IFT43: variants seen among roughly 807,000 people sequenced by gnomAD.
IFT43 encodes intraflagellar transport protein 43 homolog.
IFT43 carries 33 observed loss-of-function variants against 32.3 expected under a neutral mutation model. The observed-to-expected ratio is 1.02, with a 90% confidence interval of 0.77 to 1.37. The LOEUF is 1.37. IFT43 is among the 40% of genes most tolerant of loss of function. The pLI is 0.00. For missense variants in IFT43, 274 were observed against 265.9 expected (o/e 1.03, Z -0.21); for synonymous variants, 93 against 98.2 (o/e 0.95, Z 0.31).
intron 2 of IFT43, among the ~76,000 whole-genome samples, chr14:75,999,227 TTATATATATATATATATATATATATATA>T (rs1162371057): frequency 1.0e-5 from 1 of 96,138 alleles, no homozygotes; most frequent in East Asian, 2.8e-4. Context: ...TAAATTCATT[TTATATATATATATATATATATATATATA>T]TATATATATA....
At chr14:75,991,169 A>G (rs2035631027) in intron 2 of IFT43, among the ~76,000 whole-genome samples, 1 of 152,130 alleles carries the variant, frequency 6.6e-6, no homozygotes, top group East Asian at 1.9e-4. Context: ...GTCTTTGCAA[A>G]ATATTTAAAA....
chr14:75,997,184 G>C (rs140815675), intron 2 of IFT43, among the ~76,000 whole-genome samples: 5 of 152,256 alleles, frequency 3.3e-5, no homozygotes, highest in South Asian at 2.1e-4. Context: ...AGACAAGAGA[G>C]AGAGCATGGC....
At chr14:76,057,364 G>A (rs1291377017) in intron 3 of IFT43, among the ~76,000 whole-genome samples, 1 of 152,018 alleles carries the variant, frequency 6.6e-6, no homozygotes, top group Non-Finnish European at 1.5e-5. Context: ...CTGAGTAGCT[G>A]GGATTACAGG....
At chr14:76,080,198 C>T (rs936535766) in intron 5 of IFT43, among the ~76,000 whole-genome samples, 1 of 152,170 alleles carries the variant, frequency 6.6e-6, no homozygotes, top group Non-Finnish European at 1.5e-5. Context: ...CTGGCTCTGT[C>T]CCACTCAGGC....
chr14:76,068,323 C>A (rs1030732969), intron 5 of IFT43, among the ~76,000 whole-genome samples: 6 of 152,192 alleles, frequency 3.9e-5, no homozygotes, highest in Admixed American at 6.5e-5. Flanking sequence ...TTTATAGTAA[C>A]CAGAAGAGAA....
chr14:75,999,461 G>A (rs2035842733), intron 2 of IFT43, among the ~76,000 whole-genome samples: 3 of 150,774 alleles, frequency 2.0e-5, no homozygotes, highest in Admixed American at 6.6e-5. Context: ...ATATTTATAA[G>A]TAGAATTTTA....
intron 1 of IFT43, 53 bp from the exon 2 acceptor site, chr14:75,988,832 G>C (rs1236505100): frequency 6.2e-7 from 1 of 1,612,170 alleles, no homozygotes; most frequent in East Asian, 2.2e-5. Flanking sequence ...TGTCATCTCA[G>C]TAGTGGCCCA....
At chr14:76,022,492 G>T (rs927452866) in intron 3 of IFT43, 98 bp downstream of exon 3, 12 of 726,242 alleles carry the variant, frequency 1.7e-5, no homozygotes, top group Middle Eastern at 2.5e-4. Flanking sequence ...GCTTTATTGA[G>T]AAAAAATTTA....
chr14:76,021,110 C>G (rs1169323094), intron 2 of IFT43, among the ~76,000 whole-genome samples: 1 of 151,738 alleles, frequency 6.6e-6, no homozygotes, highest in Non-Finnish European at 1.5e-5. Flanking sequence ...TCCTATGCCC[C>G]TGGGTCATGT....
chr14:76,082,018 C>T (rs560930061), intron 5 of IFT43, among the ~76,000 whole-genome samples: 24 of 152,254 alleles, frequency 1.6e-4, no homozygotes, highest in South Asian at 1.0e-3. Context: ...ACCTGTTGCA[C>T]GCGTCAGAAT....
chr14:76,037,282 G>A (rs560989157), intron 3 of IFT43, among the ~76,000 whole-genome samples: 4 of 152,234 alleles, frequency 2.6e-5, no homozygotes, highest in Non-Finnish European at 5.9e-5. Context: ...ACAGGTATGA[G>A]AAGGCACAGG....
chr14:76,003,275 G>A (rs901558346), intron 2 of IFT43, among the ~76,000 whole-genome samples: 1 of 150,034 alleles, frequency 6.7e-6, no homozygotes, highest in Non-Finnish European at 1.5e-5. Flanking sequence ...TTTTTTTTTA[G>A]TGATTACTCT....
At chr14:76,003,248 G>A (rs2035922627) in intron 2 of IFT43, among the ~76,000 whole-genome samples, 1 of 151,696 alleles carries the variant, frequency 6.6e-6, no homozygotes, top group African/African-American at 2.4e-5. Context: ...TGGCTTTTAG[G>A]TATTGTTTTT....
intron 3 of IFT43, among the ~76,000 whole-genome samples, chr14:76,025,522 A>G (rs1291107599): frequency 6.6e-6 from 1 of 152,170 alleles, no homozygotes; most frequent in Non-Finnish European, 1.5e-5. Flanking sequence ...AAAACAAAAA[A>G]ACCTGGAGGC....
intron 5 of IFT43, among the ~76,000 whole-genome samples, chr14:76,068,464 T>G (rs2037264670): frequency 6.6e-6 from 1 of 152,230 alleles, no homozygotes; most frequent in Non-Finnish European, 1.5e-5. Flanking sequence ...TAGGTAGAAT[T>G]ACCCACAACT....
chr14:76,066,633 A>T (rs1594859000), intron 5 of IFT43, among the ~76,000 whole-genome samples: 1 of 152,366 alleles, frequency 6.6e-6, no homozygotes, highest in Middle Eastern at 3.4e-3. Context: ...TGAATCATCC[A>T]TGGACGTCCA....
rs2037091625 is a variant in IFT43 at position 76,059,590 on chromosome 14, A to G, written c.295+217A>G. On this transcript the variant is annotated intron_variant, in intron 5 of 8. Coordinates refer to ENST00000314067, the MANE Select transcript of IFT43 (RefSeq NM_001102564.3). Reference sequence around the variant, plus strand: ...ATCTGATAACCCTGCTTATCCTTCAAAAGGTCAGCCAAAGCATCACTTCCC... The same window carrying G: ...ATCTGATAACCCTGCTTATCCTTCAGAAGGTCAGCCAAAGCATCACTTCCC... 22 of 564,974 alleles carry G rather than the reference A, an allele frequency of 3.9e-5. No individual in the cohort carries two copies. The South Asian group carries it at 4.1e-4, about 10-fold the overall frequency. 35.0% of individuals were successfully genotyped at this position (564,974 alleles called of 1,614,324 possible).
intron 3 of IFT43, among the ~76,000 whole-genome samples, chr14:76,037,002 A>C (rs1404382422): frequency 6.6e-6 from 1 of 152,162 alleles, no homozygotes; most frequent in African/African-American, 2.4e-5. Context: ...ATGTTTAAAA[A>C]TTTTTTGGAG....
chr14:75,999,995 G>T lies in IFT43; in HGVS notation c.147+11018G>T, dbSNP rs369492041. 1.2e-3 allele frequency among the ~76,000 whole-genome samples: 186 copies of T among 152,326 alleles called. 5 individuals carry two copies. The South Asian group carries it at 0.036, about 30-fold the overall frequency. On this transcript the variant is annotated intron_variant, in intron 2 of 8. Coordinates refer to ENST00000314067, the MANE Select transcript of IFT43 (RefSeq NM_001102564.3). ...GGGAGAGCTTGTTGGCAGGGAGATC[G>T]CTGGGAGGCGGTTGGAGCAGTCCTT...
Sources: allele counts gnomAD v4.1 joint callset (sites outside exome capture counted in the v4.1 genomes callset), GRCh38; gene constraint gnomAD v4.1.1; transcripts MANE v1.5; gene names NCBI Gene and HGNC (gene_info 2026-07-23, HGNC 2026-07-21).